The following TTLL11 variants were observed in gnomAD, a reference collection of about 807,000 sequenced individuals.
TTLL11 encodes the protein tubulin tyrosine ligase like 11.
In TTLL11, 42 loss-of-function variants were observed where a neutral mutation model predicts 51.7. That is an observed-to-expected ratio of 0.81 (90% CI 0.64 to 1.05). TTLL11 has a LOEUF of 1.05. Ranked by LOEUF, TTLL11 falls within the 50% of genes least tolerant of loss-of-function variation. TTLL11 has a pLI of 0.00. For missense variants in TTLL11, 799 were observed against 940.4 expected, an observed-to-expected ratio of 0.85 and a Z score of 1.97; for synonymous variants, 381 against 383.5, an observed-to-expected ratio of 0.99 and a Z score of 0.08.
At chr9:121,955,734 T>C (rs2131612909) in intron 6 of TTLL11, among the ~76,000 whole-genome samples, 1 of 152,318 alleles carries the variant, frequency 6.6e-6, no homozygotes, top group South Asian at 2.1e-4. Context: ...AGCAAGGACA[T>C]TTATAGATCC....
intron 1 of TTLL11, among the ~76,000 whole-genome samples, chr9:122,085,931 A>T (rs906326802): frequency 5.3e-5 from 8 of 152,254 alleles, no homozygotes; most frequent in Non-Finnish European, 1.2e-4. Context: ...CAACTACAAA[A>T]TACAACACTT....
At position 121,989,995 on chromosome 9, in the gene TTLL11, G is replaced by A. The variant is rs1054109982; in HGVS notation, c.694-225C>T. Among the ~76,000 whole-genome samples the A allele has an allele frequency of 5.3e-5, 8 of 152,214 alleles. No individual in the cohort carries two copies. Among genetic ancestry groups the A allele is most frequent in the African/African-American group, 1.7e-4 (7 of 41,460 alleles). ...GCTCCAGAGCGAGGTGGAGAGTGTA[G>A]TGGACTGGCAGTCACAAGACCTGGG... On this transcript the variant is annotated intron_variant, in intron 3 of 8. Transcript: ENST00000321582. The surrounding 1 kb of genome is among the most constrained non-coding windows in gnomAD (Gnocchi z 4.2).
At position 121,927,123 on chromosome 9, in the gene TTLL11, G is replaced by A. The variant is rs537846020; in HGVS notation, c.1481+46886C>T. 2.0e-3 allele frequency among the ~76,000 whole-genome samples: 307 copies of A among 152,340 alleles called. 2 individuals carry two copies. Among genetic ancestry groups the A allele is most frequent in the Middle Eastern group, 6.8e-3 (2 of 294 alleles). ...CGGTGGAGTTAGGATTTCAACATAT[G>A]TATTTGGAGGAACACAAACATTTGG... On this transcript the variant is annotated intron_variant, in intron 6 of 8. Coordinates refer to ENST00000321582, the MANE Select transcript of TTLL11 (RefSeq NM_001139442.2).
Position 121,832,237 on chromosome 9 carries a change from C to T in TTLL11, c.1841-9358G>A, listed in dbSNP as rs116418650. ...CTCAGTTCTGCTGAGGTGCACCTAGCTCTTGGGGACACTCTCCTACTACTA... is the reference window on the plus strand; with the variant it reads ...CTCAGTTCTGCTGAGGTGCACCTAGTTCTTGGGGACACTCTCCTACTACTA... On this transcript the variant is annotated intron_variant, in intron 8 of 8. Transcript: ENST00000321582. 9.2e-3 allele frequency among the ~76,000 whole-genome samples: 1,408 copies of T among 152,236 alleles called. 28 individuals are homozygous for T. Among genetic ancestry groups the T allele is most frequent in the African/African-American group, 0.032 (1,349 of 41,532 alleles).
chr9:121,928,829 C>T (rs2131546667), intron 6 of TTLL11, among the ~76,000 whole-genome samples: 1 of 152,228 alleles, frequency 6.6e-6, no homozygotes, highest in South Asian at 2.1e-4. Context: ...ACCTTGGCCT[C>T]CCAAGTAGCT....
chr9:121,997,208 C>T (rs1027691251), intron 3 of TTLL11, among the ~76,000 whole-genome samples: 4 of 148,260 alleles, frequency 2.7e-5, no homozygotes, highest in South Asian at 2.2e-4. Context: ...CTCTAGAACA[C>T]GCCCGGGACA....
chr9:122,015,781 C>T (rs1469034739), intron 3 of TTLL11, among the ~76,000 whole-genome samples: 3 of 132,040 alleles, frequency 2.3e-5, no homozygotes, highest in African/African-American at 9.6e-5. Context: ...AAGAGGCTAA[C>T]TTTTGATGAC....
Position 122,006,981 on chromosome 9 carries a change from C to CAAAA in TTLL11, c.694-17215_694-17212dup, listed in dbSNP as rs71371911. Among the ~76,000 whole-genome samples the CAAAA allele has an allele frequency of 1.9e-3, 82 of 43,442 alleles. 1 individual carries two copies. Among genetic ancestry groups the CAAAA allele is most frequent in the African/African-American group, 4.8e-3 (67 of 14,078 alleles). 28.5% of individuals were successfully genotyped at this position (43,442 alleles called of 152,430 possible). A position where few individuals can be genotyped will look rare whatever the true frequency, so the allele number is the denominator to read the frequency against. On this transcript the variant is annotated intron_variant, in intron 3 of 8. Transcript: ENST00000321582. ...TCGGTGGCAGAGCGAGATACTCTGT[C>CAAAA]AAAAAAAAAAAAAAAAAAAAAAAAA...
Position 121,932,514 on chromosome 9 carries a change from G to C in TTLL11, c.1481+41495C>G, listed in dbSNP as rs1226875035. On this transcript the variant is annotated intron_variant, in intron 6 of 8. Coordinates refer to ENST00000321582, the MANE Select transcript of TTLL11 (RefSeq NM_001139442.2). ...TTCATAAATGGGAAAACTAGATCCA[G>C]GGAGGAAAAGAGACTCATCCACAAT... Among the ~76,000 whole-genome samples the C allele has an allele frequency of 3.3e-5, 5 of 152,132 alleles. No homozygotes were observed. The East Asian group carries it at 9.7e-4, about 29-fold the overall frequency.
In TTLL11 at chr9:121,822,761, G is replaced by T; in HGVS notation, c.1959C>A (p.Ser653=). The change falls in exon 9 of 9, where the codon TCC becomes TCA. Residue 653 remains serine (S), a synonymous_variant. Coordinates refer to ENST00000321582, the MANE Select transcript of TTLL11 (RefSeq NM_001139442.2). The surrounding 1 kb of genome is among the most constrained non-coding windows in gnomAD (Gnocchi z 5.8). The part of the protein sequence containing the change: ...SLIDLCEYHL[S]LLDEKRLVCG... ...ACACCAGGCGTTTTTCATCCAGCAG[G>T]GACAGGTGGTACTCGCAAAGGTCAA... 1 of 1,551,670 alleles carries T rather than the reference G, an allele frequency of 6.4e-7. No individual in the cohort carries two copies. Among genetic ancestry groups the T allele is most frequent in the Admixed American group, 2.0e-5 (1 of 51,006 alleles).
chr9:121,847,815 A>AGG (rs1837560099), intron 8 of TTLL11, among the ~76,000 whole-genome samples: 2 of 152,104 alleles, frequency 1.3e-5, no homozygotes, highest in Non-Finnish European at 2.9e-5. Context: ...GGCCAGCATT[A>AGG]CCCTAATACC....
In TTLL11 at chr9:122,093,198, G is replaced by A; in HGVS notation, c.-50C>T. 3 of 1,487,802 alleles carry A rather than the reference G, an allele frequency of 2.0e-6. No homozygotes were observed. The highest frequency in any genetic ancestry group is 1.8e-6 in the Non-Finnish European group (2 of 1,127,952). The allele number at this position is 1,487,802 out of a possible 1,614,324, so 92.2% of individuals were successfully genotyped here. On this transcript the variant is annotated 5_prime_UTR_variant, in exon 1 of 9. Transcript: ENST00000321582. ...CAGTGCCACCGCCGCCGCCGCCGCCGCTCCGCCGCCCCAGTCCGCCACCAA... is the reference window on the plus strand; with the variant it reads ...CAGTGCCACCGCCGCCGCCGCCGCCACTCCGCCGCCCCAGTCCGCCACCAA...
chr9:121,983,262 A>G (rs1842864905), intron 4 of TTLL11, among the ~76,000 whole-genome samples: 1 of 152,228 alleles, frequency 6.6e-6, no homozygotes, highest in African/African-American at 2.4e-5. Flanking sequence ...TAAAGACGAT[A>G]GAGAGTAGGT....
In TTLL11 at chr9:121,940,147, C is replaced by A. The variant is rs537491699; in HGVS notation, c.1481+33862G>T. Among the ~76,000 whole-genome samples the A allele has an allele frequency of 4.2e-4, 64 of 152,280 alleles. 1 individual carries two copies. The highest frequency in any genetic ancestry group is 1.4e-3 in the African/African-American group (59 of 41,560). On this transcript the variant is annotated intron_variant, in intron 6 of 8. Transcript: ENST00000321582. Reference sequence around the variant, plus strand: ...CAAACATTTATCCAGTCTCTCAAGGCTCAGCTTACAAGCAAAGGGCTTGTA... The same window carrying A: ...CAAACATTTATCCAGTCTCTCAAGGATCAGCTTACAAGCAAAGGGCTTGTA...
At chr9:122,025,909 G>C (rs1395816091) in intron 3 of TTLL11, among the ~76,000 whole-genome samples, 2 of 152,136 alleles carry the variant, frequency 1.3e-5, no homozygotes, top group African/African-American at 4.8e-5. Context: ...AGCAGGTGAA[G>C]GTCTAAGCAA....
intron 8 of TTLL11, among the ~76,000 whole-genome samples, chr9:121,848,003 C>A (rs1326132708): frequency 6.6e-6 from 1 of 152,132 alleles, no homozygotes; most frequent in Middle Eastern, 3.2e-3. Flanking sequence ...GAGTTTGAGA[C>A]CAGCCTGGGC....
chr9:122,091,666 C>A (rs1030290801), intron 1 of TTLL11, among the ~76,000 whole-genome samples: 13 of 152,238 alleles, frequency 8.5e-5, no homozygotes, highest in African/African-American at 2.9e-4. Flanking sequence ...GGGCTAAGAA[C>A]CTGAGTCCTC....
At chr9:121,840,306 T>C (rs970593599) in intron 8 of TTLL11, among the ~76,000 whole-genome samples, 1 of 152,198 alleles carries the variant, frequency 6.6e-6, no homozygotes, top group African/African-American at 2.4e-5. Flanking sequence ...CTCGGATGCA[T>C]GGAACACAGT....
chr9:121,918,976 G>T (rs1332199279), intron 6 of TTLL11, among the ~76,000 whole-genome samples: 1 of 152,256 alleles, frequency 6.6e-6, no homozygotes, highest in African/African-American at 2.4e-5. Context: ...AGTGGAGAGG[G>T]TATGTGCAAG....
Sources: allele counts gnomAD v4.1 joint callset (sites outside exome capture counted in the v4.1 genomes callset), GRCh38; gene constraint gnomAD v4.1.1; non-coding constraint Gnocchi (gnomAD v3.1); transcripts MANE v1.5; gene names NCBI Gene and HGNC (gene_info 2026-07-23, HGNC 2026-07-21).